Variants in RNF217 observed in about 807,000 individuals in gnomAD.
RNF217 encodes the protein E3 ubiquitin-protein ligase RNF217.
RNF217 carries 31 observed loss-of-function variants against 57.8 expected under a neutral mutation model. The ratio of observed to expected loss-of-function variants is 0.54; its 90% CI spans 0.40 to 0.72. The LOEUF is 0.72. RNF217 is among the 30% of genes least tolerant of loss of function. The pLI is 0.00. For synonymous variants in RNF217, 313 were observed against 294.0 expected, an observed-to-expected ratio of 1.06 and a Z score of -0.66; for missense variants, 696 against 708.3, an observed-to-expected ratio of 0.98 and a Z score of 0.20.
At chr6:124,998,592 G>A (rs1784840213) in intron 1 of RNF217, among the ~76,000 whole-genome samples, 1 of 152,168 alleles carries the variant, frequency 6.6e-6, no homozygotes, top group South Asian at 2.1e-4. Context: ...GAGGTCAGGA[G>A]ATCAAGACCA....
At chr6:125,061,142 GA>G (rs1562490567) in intron 3 of RNF217, among the ~76,000 whole-genome samples, 1 of 151,958 alleles carries the variant, frequency 6.6e-6, no homozygotes, top group South Asian at 2.1e-4. Context: ...TATTCATCTA[GA>G]ATTTTTTTTC....
chr6:125,059,151 T>C (rs1018714193), intron 3 of RNF217, among the ~76,000 whole-genome samples: 10 of 152,216 alleles, frequency 6.6e-5, no homozygotes, highest in African/African-American at 2.4e-4. Context: ...AGGAAAAGTA[T>C]TGTATGAAAT....
At chr6:124,991,087 C>T (rs989561887) in intron 1 of RNF217, among the ~76,000 whole-genome samples, 3 of 152,148 alleles carry the variant, frequency 2.0e-5, no homozygotes, top group Non-Finnish European at 2.9e-5. Context: ...TAAGACCTGA[C>T]ATGTTGCTCT....
intron 1 of RNF217, among the ~76,000 whole-genome samples, chr6:124,998,093 T>C (rs1784819002): frequency 6.6e-6 from 1 of 152,216 alleles, no homozygotes; most frequent in Non-Finnish European, 1.5e-5. Flanking sequence ...TCCAGACCAT[T>C]CACCACTTCA....
intron 2 of RNF217, among the ~76,000 whole-genome samples, chr6:125,051,226 G>T (rs980129976): frequency 6.6e-6 from 1 of 151,660 alleles, no homozygotes; most frequent in African/African-American, 2.4e-5. Flanking sequence ...ATCAAATCTT[G>T]CAGCTAGGAT....
chr6:125,000,921 G>T (rs1033390560), intron 1 of RNF217, among the ~76,000 whole-genome samples: 25 of 152,054 alleles, frequency 1.6e-4, no homozygotes, highest in African/African-American at 5.5e-4. Flanking sequence ...GTAATGCCAT[G>T]GATATTTCAA....
chr6:124,992,783 G>T (rs943771910), intron 1 of RNF217, among the ~76,000 whole-genome samples: 1 of 151,752 alleles, frequency 6.6e-6, no homozygotes, highest in Non-Finnish European at 1.5e-5. Flanking sequence ...AAAGTAATTG[G>T]ATTACTTTAA....
intron 4 of RNF217, among the ~76,000 whole-genome samples, chr6:125,079,427 GA>G (rs1407505093): frequency 1.4e-5 from 2 of 143,836 alleles, no homozygotes; most frequent in African/African-American, 5.2e-5. Flanking sequence ...CTCCAAAAAT[GA>G]ATACTCAATT....
chr6:125,046,839 T>G (rs1451936445), intron 2 of RNF217, among the ~76,000 whole-genome samples: 1 of 152,070 alleles, frequency 6.6e-6, no homozygotes, highest in Non-Finnish European at 1.5e-5. Context: ...TGCTTGGCTC[T>G]CATAGTTAAT....
At chr6:124,985,085 A>G (rs1267756417) in intron 1 of RNF217, among the ~76,000 whole-genome samples, 1 of 152,232 alleles carries the variant, frequency 6.6e-6, no homozygotes, top group East Asian at 1.9e-4. Flanking sequence ...ATCCATACTA[A>G]TAGGATAATT....
At chr6:125,018,844 G>GT (rs1162294426) in intron 1 of RNF217, among the ~76,000 whole-genome samples, 1 of 152,136 alleles carries the variant, frequency 6.6e-6, no homozygotes, top group African/African-American at 2.4e-5. Context: ...AGGTACTGCA[G>GT]TGTGGTGATA....
At chr6:125,041,205 A>G (rs1786868184) in intron 1 of RNF217, among the ~76,000 whole-genome samples, 1 of 152,074 alleles carries the variant, frequency 6.6e-6, no homozygotes, top group African/African-American at 2.4e-5. Context: ...AATTTTTGTC[A>G]ATTTAAAAAA....
chr6:125,053,064 C>T (rs2069645307), intron 2 of RNF217, among the ~76,000 whole-genome samples: 1 of 152,054 alleles, frequency 6.6e-6, no homozygotes, highest in Admixed American at 6.6e-5. Context: ...TGTGGTGGCT[C>T]AGGATGGACC....
chr6:125,025,741 G>A (rs1221281041), intron 1 of RNF217, among the ~76,000 whole-genome samples: 6 of 127,290 alleles, frequency 4.7e-5, no homozygotes, highest in African/African-American at 1.6e-4. Flanking sequence ...GTGTTCTAGG[G>A]AGGGAGGAAG....
intron 1 of RNF217, among the ~76,000 whole-genome samples, chr6:124,992,077 T>G (rs1784582282): frequency 6.6e-6 from 1 of 152,144 alleles, no homozygotes; most frequent in African/African-American, 2.4e-5. Flanking sequence ...AAATTCTGAT[T>G]TACTAAGCCT....
chr6:125,009,698 G>A (rs1785347945), intron 1 of RNF217, among the ~76,000 whole-genome samples: 1 of 151,708 alleles, frequency 6.6e-6, no homozygotes, highest in South Asian at 2.1e-4. Context: ...AACGTAGACA[G>A]ATATCAAAGC....
At chr6:125,005,742 T>G (rs996169286) in intron 1 of RNF217, among the ~76,000 whole-genome samples, 1 of 152,228 alleles carries the variant, frequency 6.6e-6, no homozygotes, top group Admixed American at 6.5e-5. Context: ...TATTCTGTTA[T>G]TAGATAAAAC....
At chr6:125,048,288 T>A (rs886961966) in intron 2 of RNF217, 27 of 1,317,484 alleles carry the variant, frequency 2.0e-5, no homozygotes, top group Non-Finnish European at 2.5e-5. Context: ...GCAGTATTTT[T>A]AAAAATTCAG....
chr6:125,030,912 T>C (rs560480127), intron 1 of RNF217, among the ~76,000 whole-genome samples: 1 of 152,230 alleles, frequency 6.6e-6, no homozygotes, highest in East Asian at 1.9e-4. Context: ...GCAGAGGTTC[T>C]ACATGAGGGC....
Sources: allele counts gnomAD v4.1 joint callset (sites outside exome capture counted in the v4.1 genomes callset), GRCh38; gene constraint gnomAD v4.1.1; transcripts MANE v1.5; gene names NCBI Gene and HGNC (gene_info 2026-07-23, HGNC 2026-07-21).